VPS26A: variants seen among roughly 807,000 people sequenced by gnomAD.
VPS26A encodes VPS26 retromer complex component A.
Under a neutral mutation model 42.4 loss-of-function variants are expected in VPS26A, and 22 were observed. The observed-to-expected ratio is 0.52, with a 90% CI of 0.37 to 0.74. The LOEUF is 0.74. Ranked by LOEUF, VPS26A falls within the 30% of genes least tolerant of loss-of-function variation. VPS26A has a pLI of 0.00. For missense variants in VPS26A, 276 were observed against 379.2 expected (o/e 0.73, Z 2.26); for synonymous variants, 110 against 123.5 (o/e 0.89, Z 0.73).
rs184198212 is a variant in VPS26A at position 69,139,679 on chromosome 10, A to G, written c.153+6632A>G. Among the ~76,000 whole-genome samples the G allele has an allele frequency of 6.2e-4, 94 of 152,170 alleles. 1 individual carries two copies. The highest frequency in any genetic ancestry group is 2.1e-3 in the African/African-American group (88 of 41,520). On this transcript the variant is annotated intron_variant, in intron 2 of 8. Transcript: ENST00000263559. Reference sequence around the variant, plus strand: ...TTGTTAACAGTTTTTTCATTTGAGGAAAGTTTTCTTGAATTACAGCCATTA... The same window carrying G: ...TTGTTAACAGTTTTTTCATTTGAGGGAAGTTTTCTTGAATTACAGCCATTA...
intron 5 of VPS26A, among the ~76,000 whole-genome samples, chr10:69,159,698 C>T (rs1339363698): frequency 1.3e-5 from 2 of 152,126 alleles, no homozygotes; most frequent in Non-Finnish European, 2.9e-5. Context: ...CTAAATATAA[C>T]TACAATACTC....
At position 69,132,953 on chromosome 10, in the gene VPS26A, A is replaced by T. The variant is rs1455830020; in HGVS notation, c.59A>T (p.Asp20Val). 1.9e-6 allele frequency: 3 copies of T among 1,612,120 alleles called. No individual in the cohort carries two copies. Among genetic ancestry groups the T allele is most frequent in the Non-Finnish European group, 1.7e-6 (2 of 1,179,632 alleles). The change falls in exon 2 of 9, where the codon GAT (aspartate) becomes GTT (valine). Residue 20 changes from aspartate to valine, a missense_variant. By Grantham distance (152) the Asp-to-Val change is radical. Coordinates refer to ENST00000263559, the MANE Select transcript of VPS26A (RefSeq NM_004896.5). The part of the protein sequence containing the change: ...PICEIDIVLN[D>V]GETRKMAEMK... ...TGTGAGATCGATATTGTTCTTAATGATGGGGAAACCAGGAAAATGGCAGAA... is the reference window on the plus strand; with the variant it reads ...TGTGAGATCGATATTGTTCTTAATGTTGGGGAAACCAGGAAAATGGCAGAA...
intron 2 of VPS26A, among the ~76,000 whole-genome samples, chr10:69,136,134 A>T (rs1325705227): frequency 6.6e-6 from 1 of 152,174 alleles, no homozygotes; most frequent in African/African-American, 2.4e-5. Flanking sequence ...ATTGCCTATC[A>T]GTTGGCAGCT....
Position 69,133,404 on chromosome 10 carries a change from T to G in VPS26A, c.153+357T>G, listed in dbSNP as rs2132189887. 8 of 443,422 alleles carry G rather than the reference T, an allele frequency of 1.8e-5. No individual in the cohort carries two copies. The South Asian group carries it at 2.0e-4, about 11-fold the overall frequency. 27.5% of individuals were successfully genotyped at this position (443,422 alleles called of 1,614,324 possible). A position where few individuals can be genotyped will look rare whatever the true frequency, so the allele number is the denominator to read the frequency against. ...GGAGCTGTAATTCACCCAAAGTTTG[T>G]TTTTCCTTTAACATTAAGTTAGAGA... On this transcript the variant is annotated intron_variant, in intron 2 of 8. Transcript: ENST00000263559.
chr10:69,151,451 CAAAAAAAAAAA>C (rs150296063), intron 2 of VPS26A, among the ~76,000 whole-genome samples: 8 of 105,482 alleles, frequency 7.6e-5, no homozygotes, highest in African/African-American at 3.3e-4. Flanking sequence ...GACTCCGTCT[CAAAAAAAAAAA>C]AAAAAAAAAA....
chr10:69,132,465 G>A (rs1840805137), intron 1 of VPS26A, among the ~76,000 whole-genome samples: 2 of 146,084 alleles, frequency 1.4e-5, no homozygotes, highest in African/African-American at 5.0e-5. Context: ...TTTTTGAGAC[G>A]GAGTTTTGCT....
chr10:69,157,135 T>C lies in VPS26A; in HGVS notation c.358T>C (p.Ser120Pro), dbSNP rs920379499. The C allele has an allele frequency of 6.2e-7, 1 of 1,613,154 alleles. No homozygotes were observed. The highest frequency in any genetic ancestry group is 1.1e-5 in the South Asian group (1 of 91,012). ...EFMQVEKPYE[S>P]YIGANVRLRY... ...TATGCAAGTTGAAAAGCCATATGAA[T>C]CTTACATCGGTGCCAATGTCCGCTT... Residue 120 changes from serine (S) to proline (P), a missense_variant, in exon 4 of 9, where the codon TCT (serine) becomes CCT (proline). Coordinates refer to ENST00000263559, the MANE Select transcript of VPS26A (RefSeq NM_004896.5).
chr10:69,168,400 T>C, intron 7 of VPS26A, 89 bp from the exon 8 acceptor site: 5 of 1,354,984 alleles, frequency 3.7e-6, no homozygotes, highest in Non-Finnish European at 4.1e-6. Context: ...TGTGAAGCAT[T>C]AGTGTCAACT....
intron 8 of VPS26A, chr10:69,169,945 C>G (rs1841780872): frequency 6.6e-6 from 1 of 152,140 alleles, no homozygotes; most frequent in Non-Finnish European, 1.5e-5. Context: ...GTGTTCATTA[C>G]AAACTTGTTC....
intron 2 of VPS26A, among the ~76,000 whole-genome samples, chr10:69,151,451 CAAAA>C (rs150296063): frequency 8.3e-4 from 87 of 105,430 alleles, no homozygotes; most frequent in Non-Finnish European, 8.7e-4. Flanking sequence ...GACTCCGTCT[CAAAA>C]AAAAAAAAAA....
chr10:69,162,403 T>C lies in VPS26A; in HGVS notation c.552-3T>C, dbSNP rs61871361. ...TTTAGTGAGATATGTTCTTCCCCAATAGGTATCATTTAAAGGATGTGATTG... is the reference window on the plus strand; with the variant it reads ...TTTAGTGAGATATGTTCTTCCCCAACAGGTATCATTTAAAGGATGTGATTG... On this transcript the variant is annotated splice_region_variant and splice_polypyrimidine_tract_variant and intron_variant, in intron 5 of 8. Transcript: ENST00000263559. The C allele has an allele frequency of 0.21, 285,391 of 1,375,466 alleles. 32,591 individuals are homozygous for C. The highest frequency in any genetic ancestry group is 0.23 in the Non-Finnish European group (226,184 of 980,204). 85.2% of individuals were successfully genotyped at this position (1,375,466 alleles called of 1,614,324 possible).
chr10:69,151,282 A>AAAAAAAAAAAAAAAAAAAAAC (rs71035063), intron 2 of VPS26A, among the ~76,000 whole-genome samples: 4 of 136,826 alleles, frequency 2.9e-5, no homozygotes, highest in African/African-American at 1.3e-4. Flanking sequence ...AAAAAAAAAA[A>AAAAAAAAAAAAAAAAAAAAAC]ACACACACAC....
intron 6 of VPS26A, among the ~76,000 whole-genome samples, chr10:69,164,887 A>G (rs1443903268): frequency 6.6e-6 from 1 of 150,618 alleles, no homozygotes; most frequent in Non-Finnish European, 1.5e-5. Context: ...TTTGATTTTA[A>G]TATATAAATA....
intron 5 of VPS26A, among the ~76,000 whole-genome samples, chr10:69,159,102 C>T (rs570703472): frequency 2.7e-4 from 41 of 152,148 alleles, no homozygotes; most frequent in African/African-American, 9.9e-4. Flanking sequence ...AGGCCGGGTG[C>T]GGTGGCTCAC....
chr10:69,159,145 T>C (rs1841496840), intron 5 of VPS26A, among the ~76,000 whole-genome samples: 1 of 151,942 alleles, frequency 6.6e-6, no homozygotes, highest in South Asian at 2.1e-4. Context: ...GAGGCCAAGG[T>C]GGGCAGAGTT....
Position 69,173,645 on chromosome 10 carries a change from T to C in VPS26A, c.*2376T>C, listed in dbSNP as rs1014777301. On this transcript the variant is annotated 3_prime_UTR_variant, in exon 9 of 9. Coordinates refer to ENST00000263559, the MANE Select transcript of VPS26A (RefSeq NM_004896.5). ...GCACCAATCAACACTCTAGCTAGGATTGTAAAACGCACTCTGGCTAGCTGG... is the reference window on the plus strand; with the variant it reads ...GCACCAATCAACACTCTAGCTAGGACTGTAAAACGCACTCTGGCTAGCTGG... Among the ~76,000 whole-genome samples the C allele has an allele frequency of 2.0e-5, 3 of 152,150 alleles. No homozygotes were observed. The highest frequency in any genetic ancestry group is 4.4e-5 in the Non-Finnish European group (3 of 68,014).
At chr10:69,151,035 G>A (rs1244699551) in intron 2 of VPS26A, among the ~76,000 whole-genome samples, 1 of 151,808 alleles carries the variant, frequency 6.6e-6, no homozygotes, top group Non-Finnish European at 1.5e-5. Flanking sequence ...GGAGGCCGAG[G>A]CAGGCAGATC....
intron 2 of VPS26A, among the ~76,000 whole-genome samples, chr10:69,151,014 C>T (rs1841291618): frequency 6.6e-6 from 1 of 151,714 alleles, no homozygotes; most frequent in Admixed American, 6.6e-5. Flanking sequence ...ACCTGTAATC[C>T]CAGCACTTTG....
intron 1 of VPS26A, among the ~76,000 whole-genome samples, chr10:69,128,728 C>T (rs1017577892): frequency 2.0e-5 from 3 of 152,012 alleles, no homozygotes; most frequent in Non-Finnish European, 4.4e-5. Context: ...AGCAAGGTGG[C>T]TCACGCCTGT....
Sources: allele counts gnomAD v4.1 joint callset (sites outside exome capture counted in the v4.1 genomes callset), GRCh38; gene constraint gnomAD v4.1.1; transcripts MANE v1.5; gene names NCBI Gene and HGNC (gene_info 2026-07-23, HGNC 2026-07-21).